The following PLCB4 variants were observed in gnomAD, a reference collection of about 807,000 sequenced individuals.
PLCB4 encodes the protein 1-phosphatidylinositol 4,5-bisphosphate phosphodiesterase beta-4.
Under a neutral mutation model 178.8 loss-of-function variants are expected in PLCB4, and 77 were observed. The observed-to-expected ratio is 0.43, with a 90% CI of 0.36 to 0.52. The LOEUF (loss-of-function observed/expected upper bound fraction) is 0.52, where lower values mean the gene tolerates loss of function less well. Among genes scored for constraint, PLCB4 ranks in the 20% least tolerant of loss-of-function variants. The pLI is 0.00. For synonymous variants in PLCB4, 496 were observed against 490.8 expected, an observed-to-expected ratio of 1.01 and a Z score of -0.14; for missense variants, 1,024 against 1,453.4, an observed-to-expected ratio of 0.70 and a Z score of 4.80.
At chr20:9,115,006 C>T (rs919939904) in intron 2 of PLCB4, among the ~76,000 whole-genome samples, 1 of 152,136 alleles carries the variant, frequency 6.6e-6, no homozygotes, top group Non-Finnish European at 1.5e-5. Flanking sequence ...CCAGGATATC[C>T]CTTCCCTTAC....
intron 1 of PLCB4, among the ~76,000 whole-genome samples, chr20:9,073,124 C>A (rs2089654197): frequency 6.6e-6 from 1 of 152,142 alleles, no homozygotes; most frequent in African/African-American, 2.4e-5. Flanking sequence ...CTTTAAGATA[C>A]ATTGCCCTTC....
intron 3 of PLCB4, among the ~76,000 whole-genome samples, chr20:9,251,433 A>G (rs942909887): frequency 9.2e-5 from 14 of 152,188 alleles, no homozygotes; most frequent in Admixed American, 5.2e-4. Context: ...CATAAGAACA[A>G]TTATTTTTTA....
intron 2 of PLCB4, among the ~76,000 whole-genome samples, chr20:9,107,210 T>C (rs1568761693): frequency 6.6e-6 from 1 of 152,170 alleles, no homozygotes; most frequent in Non-Finnish European, 1.5e-5. Context: ...TCAACAATTA[T>C]GGATTATACT....
At chr20:9,200,266 C>A (rs1330692849) in intron 2 of PLCB4, among the ~76,000 whole-genome samples, 1 of 152,184 alleles carries the variant, frequency 6.6e-6, no homozygotes, top group African/African-American at 2.4e-5. Context: ...GGTTTGAAAT[C>A]ATTTCCCTTT....
intron 12 of PLCB4, among the ~76,000 whole-genome samples, chr20:9,377,074 T>C (rs1318615688): frequency 6.6e-6 from 1 of 152,192 alleles, no homozygotes; most frequent in Non-Finnish European, 1.5e-5. Context: ...TTATTCCTTC[T>C]ATATTTTTAA....
chr20:9,295,845 C>G (rs1331118025), intron 3 of PLCB4, among the ~76,000 whole-genome samples: 1 of 152,136 alleles, frequency 6.6e-6, no homozygotes, highest in Non-Finnish European at 1.5e-5. Context: ...AGTTTGAACT[C>G]AGGTAGCGTG....
rs371725939 is a variant in PLCB4 at position 9,423,846 on chromosome 20, C to A, written c.2418C>A (p.Ala806=). The stretch of plus-strand genomic sequence containing the variant: ...TCCTCCCGCTTGATGGCCTCCAAGC[C>A]GGATATCGACACATTTCCCTTCGAA... The part of the protein sequence containing the change: ...QRILPLDGLQ[A]GYRHISLRNE... Residue 806 remains alanine (A), a synonymous_variant, in exon 28 of 40, where the codon GCC becomes GCA. Transcript: ENST00000378473. The A allele has an allele frequency of 2.5e-6, 4 of 1,613,190 alleles. No homozygotes were observed. The South Asian group carries it at 4.4e-5, about 18-fold the overall frequency.
chr20:9,459,660 C>G lies in PLCB4; in HGVS notation c.3098C>G (p.Thr1033Arg). ...SKVKEIVAQH[T>R]KEWSEMINTH... ...GTCAAAGAGATTGTAGCACAGCACA[C>G]AAAGGAATGGTCAGAAATGATCAAT... Residue 1033 changes from threonine (T) to arginine (R), a missense_variant, in exon 35 of 40, where the codon ACA becomes AGA. Transcript: ENST00000378473. The G allele has an allele frequency of 1.2e-6, 2 of 1,609,638 alleles. No individual in the cohort carries two copies. The highest frequency in any genetic ancestry group is 1.3e-5 in the African/African-American group (1 of 74,918).
intron 35 of PLCB4, among the ~76,000 whole-genome samples, chr20:9,465,834 A>G (rs921950284): frequency 4.6e-5 from 7 of 152,246 alleles, no homozygotes; most frequent in African/African-American, 7.2e-5. Flanking sequence ...AGGAAGAATC[A>G]GTATCGTGAA....
At chr20:9,307,264 G>A (rs1428206165) in intron 3 of PLCB4, among the ~76,000 whole-genome samples, 1 of 152,086 alleles carries the variant, frequency 6.6e-6, no homozygotes, top group African/African-American at 2.4e-5. Context: ...GAACAAAGGG[G>A]TAGGGGAAAG....
At chr20:9,211,515 G>A (rs1199733399) in intron 2 of PLCB4, among the ~76,000 whole-genome samples, 1 of 152,214 alleles carries the variant, frequency 6.6e-6, no homozygotes, top group Non-Finnish European at 1.5e-5. Context: ...GTTAAAGTTT[G>A]AGAAGCATTG....
intron 33 of PLCB4, among the ~76,000 whole-genome samples, 158 bp from the exon 34 acceptor site, chr20:9,457,256 T>C (rs2043111604): frequency 6.6e-6 from 1 of 152,156 alleles, no homozygotes; most frequent in Non-Finnish European, 1.5e-5. Context: ...TTTTGTAAGG[T>C]GTGAATCTAT....
At chr20:9,224,188 C>T (rs1357670402) in intron 3 of PLCB4, among the ~76,000 whole-genome samples, 1 of 152,140 alleles carries the variant, frequency 6.6e-6, no homozygotes, top group East Asian at 1.9e-4. Context: ...TATCATCTGC[C>T]TCAGGGACCC....
intron 2 of PLCB4, among the ~76,000 whole-genome samples, chr20:9,170,867 C>T (rs1211119955): frequency 1.3e-5 from 2 of 152,148 alleles, no homozygotes; most frequent in East Asian, 3.8e-4. Flanking sequence ...TAAAATGTAC[C>T]ACAATCTCTT....
At chr20:9,171,468 G>T (rs968371064) in intron 2 of PLCB4, among the ~76,000 whole-genome samples, 1 of 152,134 alleles carries the variant, frequency 6.6e-6, no homozygotes, top group Admixed American at 6.5e-5. Flanking sequence ...TAGGGCTAAT[G>T]TATAGTTGTC....
At chr20:9,207,847 TA>T (rs1195127270) in intron 2 of PLCB4, among the ~76,000 whole-genome samples, 1 of 152,240 alleles carries the variant, frequency 6.6e-6, no homozygotes, top group East Asian at 1.9e-4. Flanking sequence ...GAATCAATTA[TA>T]TTTTTTTCTC....
intron 7 of PLCB4, among the ~76,000 whole-genome samples, chr20:9,341,974 A>T (rs2033257876): frequency 6.6e-6 from 1 of 152,172 alleles, no homozygotes. Flanking sequence ...CATAATATAT[A>T]AATAAATATA....
At chr20:9,177,313 G>A (rs1279534959) in intron 2 of PLCB4, among the ~76,000 whole-genome samples, 1 of 152,124 alleles carries the variant, frequency 6.6e-6, no homozygotes, top group African/African-American at 2.4e-5. Context: ...TAAACGATGT[G>A]GTTGAATGGG....
chr20:9,444,886 G>C (rs2042320976), intron 32 of PLCB4, among the ~76,000 whole-genome samples: 1 of 152,158 alleles, frequency 6.6e-6, no homozygotes. Context: ...CATACACACT[G>C]GTGCATGGAG....
Sources: allele counts gnomAD v4.1 joint callset (sites outside exome capture counted in the v4.1 genomes callset), GRCh38; gene constraint gnomAD v4.1.1; transcripts MANE v1.5; gene names NCBI Gene and HGNC (gene_info 2026-07-23, HGNC 2026-07-21).